Variants in GCA observed in about 807,000 individuals in gnomAD.
GCA encodes grancalcin.
Under a neutral mutation model 32.6 loss-of-function variants are expected in GCA, and 30 were observed. The ratio of observed to expected loss-of-function variants is 0.92; its 90% CI spans 0.69 to 1.25. The LOEUF (loss-of-function observed/expected upper bound fraction) is 1.25, where lower values mean the gene tolerates loss of function less well. GCA is among the 50% of genes most tolerant of loss of function. GCA has a pLI of 0.00. For synonymous variants in GCA, 102 were observed against 84.6 expected, an observed-to-expected ratio of 1.21 and a Z score of -1.13; for missense variants, 291 against 266.8, an observed-to-expected ratio of 1.09 and a Z score of -0.63.
downstream of GCA, among the ~76,000 whole-genome samples, chr2:162,365,401 A>G (rs1359659997): frequency 6.6e-6 from 1 of 151,682 alleles, no homozygotes; most frequent in Non-Finnish European, 1.5e-5. Flanking sequence ...TACACTGTCA[A>G]TACCACATAC....
chr2:162,344,143 C>T lies in GCA; in HGVS notation c.-106C>T, dbSNP rs958178713. On this transcript the variant is annotated 5_prime_UTR_variant, in exon 1 of 8. Transcript: ENST00000437150. ...TGAACTGTGCGGTTAGTGCGCCTTT[C>T]AGCCTCACCTGCAGCTGCGCCTCCT... is the stretch of plus-strand genomic sequence containing the variant. 2 of 1,234,356 alleles carry T rather than the reference C, an allele frequency of 1.6e-6. No homozygotes were observed. Among genetic ancestry groups the T allele is most frequent in the Non-Finnish European group, 1.2e-6 (1 of 845,514 alleles). 76.5% of individuals were successfully genotyped at this position (1,234,356 alleles called of 1,614,324 possible).
chr2:162,321,453 A>G (rs1683661146), intron 1 of GCA, among the ~76,000 whole-genome samples: 1 of 152,108 alleles, frequency 6.6e-6, no homozygotes, highest in South Asian at 2.1e-4. Context: ...AAAGAAAATG[A>G]CAATAATTTT....
At chr2:162,326,306 G>A (rs933855431) in intron 1 of GCA, among the ~76,000 whole-genome samples, 9 of 152,142 alleles carry the variant, frequency 5.9e-5, no homozygotes, top group African/African-American at 2.2e-4. Flanking sequence ...CCCTTCCAGA[G>A]GCCAAGCCAG....
rs1263370121 is a variant in GCA, at chr2:162,362,144, A to G, written c.*1901A>G. The G allele has an allele frequency of 1.0e-6, 1 of 984,530 alleles. No homozygotes were observed. The highest frequency in any genetic ancestry group is 1.8e-5 in the African/African-American group (1 of 57,142). 61.0% of individuals were successfully genotyped at this position (984,530 alleles called of 1,614,324 possible). A position where few individuals can be genotyped will look rare whatever the true frequency, so the allele number is the denominator to read the frequency against. Reference sequence around the variant, plus strand: ...TGGCCAAACATATTTAGAAACTCTCACTTTCTAAAGCTTGACAAGGTATAT... The same window carrying G: ...TGGCCAAACATATTTAGAAACTCTCGCTTTCTAAAGCTTGACAAGGTATAT... On this transcript the variant is annotated 3_prime_UTR_variant, in exon 8 of 8. Transcript: ENST00000437150.
rs970726573 is a variant in GCA at position 162,360,393 on chromosome 2, G to C, written c.*150G>C. On this transcript the variant is annotated 3_prime_UTR_variant, in exon 8 of 8. Transcript: ENST00000437150. ...CTGTGTGTTTTTATTTTAGCAGATA[G>C]TTCAAAGCAATAAAAGATTTCTTTT... The C allele has an allele frequency of 6.1e-6, 8 of 1,312,418 alleles. No homozygotes were observed. The highest frequency in any genetic ancestry group is 7.9e-6 in the Non-Finnish European group (8 of 1,016,106). 81.3% of individuals were successfully genotyped at this position (1,312,418 alleles called of 1,614,324 possible).
rs1041147616 is a variant in GCA, at chr2:162,360,139, T to G, written c.628-78T>G. 3 of 866,254 alleles carry G rather than the reference T, an allele frequency of 3.5e-6. No individual in the cohort carries two copies. In the African/African-American group the frequency reaches 5.4e-5, roughly 16 times the overall value. The allele number at this position is 866,254 out of a possible 1,614,324, so 53.7% of individuals were successfully genotyped here. A position where few individuals can be genotyped will look rare whatever the true frequency, so the allele number is the denominator to read the frequency against. On this transcript the variant is annotated intron_variant, in intron 7 of 7. Transcript: ENST00000437150. The stretch of plus-strand genomic sequence containing the variant: ...AAACTTTTCTCTCTTAAGAAAATGC[T>G]CTTATGGAATATAATTAGTCAAAAA...
At chr2:162,363,716 C>T (rs893275426), downstream of GCA, among the ~76,000 whole-genome samples, 3 of 151,406 alleles carry the variant, frequency 2.0e-5, no homozygotes, top group African/African-American at 7.3e-5. Context: ...TGCTTTTAAT[C>T]ATTTCCTGCC....
At chr2:162,368,576 T>A (rs1263813586) in intron 4 of GCA, among the ~76,000 whole-genome samples, 1 of 152,060 alleles carries the variant, frequency 6.6e-6, no homozygotes, top group Non-Finnish European at 1.5e-5. Flanking sequence ...GACATTTCGA[T>A]AAGAACTTTA....
chr2:162,342,600 A>G (rs1684488677), upstream of GCA, among the ~76,000 whole-genome samples: 1 of 152,230 alleles, frequency 6.6e-6, no homozygotes, highest in East Asian at 1.9e-4. Context: ...CCTGGCAGGA[A>G]ATACTATCTT....
intron 1 of GCA, among the ~76,000 whole-genome samples, chr2:162,334,333 G>A (rs936556465): frequency 2.0e-5 from 3 of 152,018 alleles, no homozygotes; most frequent in Non-Finnish European, 2.9e-5. Flanking sequence ...TAAAATCATG[G>A]CTATAATTTC....
At chr2:162,344,420 G>C (rs1684575681) in intron 1 of GCA, 145 bp downstream of exon 1, 1 of 747,900 alleles carries the variant, frequency 1.3e-6, no homozygotes, top group Admixed American at 2.4e-5. Flanking sequence ...GGGGCTGTTG[G>C]GGGCCAGGGC....
Position 162,361,917 on chromosome 2 carries a change from TA to T in GCA, c.*1675del. On this transcript the variant is annotated 3_prime_UTR_variant, in exon 8 of 8. Transcript: ENST00000437150. Reference sequence around the variant, plus strand: ...ACATCCAGGTTATACAGATGGTCGTTACTGAACTATTCTGCGGTCGATTATG... The same window carrying T: ...ACATCCAGGTTATACAGATGGTCGTTCTGAACTATTCTGCGGTCGATTATG... 3 of 984,712 alleles carry T rather than the reference TA, an allele frequency of 3.0e-6. No homozygotes were observed. The highest frequency in any genetic ancestry group is 3.6e-6 in the Non-Finnish European group (3 of 829,458). The allele number at this position is 984,712 out of a possible 1,614,324, so 61.0% of individuals were successfully genotyped here.
chr2:162,333,915 C>T (rs761221829), intron 1 of GCA, among the ~76,000 whole-genome samples: 4 of 152,108 alleles, frequency 2.6e-5, no homozygotes, highest in East Asian at 1.9e-4. Context: ...AAACTTATCT[C>T]GAAAAAGGAA....
intron 1 of GCA, among the ~76,000 whole-genome samples, chr2:162,324,032 C>G (rs1683782712): frequency 6.6e-6 from 1 of 152,042 alleles, no homozygotes; most frequent in Admixed American, 6.5e-5. Flanking sequence ...CTTCAGTGCC[C>G]CACTGCTCAA....
In GCA at chr2:162,356,800, C is replaced by A; in HGVS notation, c.349C>A (p.Leu117Ile). 6.2e-7 allele frequency: 1 copy of A among 1,608,302 alleles called. No individual in the cohort carries two copies. Among genetic ancestry groups the A allele is most frequent in the Non-Finnish European group, 8.5e-7 (1 of 1,175,524 alleles). ...GKMGFNAFKE[L>I]WAALNAWKEN... Reference sequence around the variant, plus strand: ...AATGGGATTTAATGCATTCAAAGAGCTATGGGCAGCTCTTAATGCCTGGAA... The same window carrying A: ...AATGGGATTTAATGCATTCAAAGAGATATGGGCAGCTCTTAATGCCTGGAA... Residue 117 changes from leucine (L) to isoleucine (I), a missense_variant, in exon 5 of 8, where the codon CTA (leucine) becomes ATA (isoleucine). Coordinates refer to ENST00000437150, the MANE Select transcript of GCA (RefSeq NM_012198.5).
chr2:162,337,639 A>G (rs975166524), intron 1 of GCA, among the ~76,000 whole-genome samples: 3 of 152,082 alleles, frequency 2.0e-5, no homozygotes, highest in African/African-American at 7.2e-5. Context: ...GGCTCATTAT[A>G]CCCACCCATA....
Position 162,344,138 on chromosome 2 carries a change from C to G in GCA, c.-111C>G, listed in dbSNP as rs775456001. 3.2e-5 allele frequency: 37 copies of G among 1,148,988 alleles called. No individual in the cohort carries two copies. Among genetic ancestry groups the G allele is most frequent in the Non-Finnish European group, 4.7e-5 (36 of 771,098 alleles). The allele number at this position is 1,148,988 out of a possible 1,614,324, so 71.2% of individuals were successfully genotyped here. A position where few individuals can be genotyped will look rare whatever the true frequency, so the allele number is the denominator to read the frequency against. The stretch of plus-strand genomic sequence containing the variant: ...AGGAGTGAACTGTGCGGTTAGTGCG[C>G]CTTTCAGCCTCACCTGCAGCTGCGC... On this transcript the variant is annotated 5_prime_UTR_variant, in exon 1 of 8. Transcript: ENST00000437150.
chr2:162,368,243 G>A (rs2105372162), intron 4 of GCA, among the ~76,000 whole-genome samples: 1 of 151,988 alleles, frequency 6.6e-6, no homozygotes, highest in South Asian at 2.1e-4. Context: ...AAACTCACAT[G>A]ATAGAAACAT....
intron 3 of GCA, among the ~76,000 whole-genome samples, chr2:162,355,581 C>T (rs1019030236): frequency 2.0e-5 from 3 of 151,708 alleles, no homozygotes; most frequent in African/African-American, 7.3e-5. Context: ...GATATGTCAG[C>T]ATACAAATTG....
Sources: gnomAD v4.1 joint callset for allele counts (sites outside exome capture counted in the v4.1 genomes callset) on GRCh38, gnomAD v4.1.1 for gene constraint, MANE v1.5 for transcripts, NCBI Gene and HGNC (gene_info 2026-07-23, HGNC 2026-07-21) for gene names.